The following MAK16 variants were observed in gnomAD, a reference collection of about 807,000 sequenced individuals.
MAK16 encodes the protein protein MAK16 homolog.
A neutral mutation model predicts 49.9 loss-of-function variants in MAK16; 12 were observed. The observed-to-expected ratio is 0.24, with a 90% CI of 0.15 to 0.39. The LOEUF (loss-of-function observed/expected upper bound fraction) is 0.39, where lower values mean the gene tolerates loss of function less well. Ranked by LOEUF, MAK16 falls within the 10% of genes least tolerant of loss-of-function variation. MAK16 has a pLI of 1.00. For synonymous variants in MAK16, 115 were observed against 126.4 expected, an observed-to-expected ratio of 0.91 and a Z score of 0.60; for missense variants, 292 against 363.7, an observed-to-expected ratio of 0.80 and a Z score of 1.60.
At position 33,499,645 on chromosome 8, in the gene MAK16, C is replaced by T. The variant is rs538064994; in HGVS notation, c.*1016C>T. 63 of 186,966 alleles carry T rather than the reference C, an allele frequency of 3.4e-4. No homozygotes were observed. The highest frequency in any genetic ancestry group is 3.1e-3 in the Admixed American group (55 of 17,916). The allele number at this position is 186,966 out of a possible 1,614,324, so 11.6% of individuals were successfully genotyped here. A position where few individuals can be genotyped will look rare whatever the true frequency, so the allele number is the denominator to read the frequency against. ...CTGGTAAAATAACAATTCATACTATCTCTACATATTTTTAGGATATGAATT... is the reference window on the plus strand; with the variant it reads ...CTGGTAAAATAACAATTCATACTATTTCTACATATTTTTAGGATATGAATT... On this transcript the variant is annotated 3_prime_UTR_variant, in exon 10 of 10. Transcript: ENST00000360128.
intron 6 of MAK16, among the ~76,000 whole-genome samples, chr8:33,493,464 C>G (rs1808807833): frequency 1.3e-5 from 2 of 152,164 alleles, no homozygotes; most frequent in African/African-American, 4.8e-5. Flanking sequence ...CACACTTCCA[C>G]TAATAATACA....
chr8:33,491,830 C>T (rs1255446871), intron 6 of MAK16, among the ~76,000 whole-genome samples: 2 of 150,954 alleles, frequency 1.3e-5, no homozygotes, highest in Non-Finnish European at 2.9e-5. Flanking sequence ...GACGAGGCTT[C>T]ACTATGTTGC....
chr8:33,496,604 A>G lies in MAK16; in HGVS notation c.523-21A>G, dbSNP rs778719207. Reference sequence around the variant, plus strand: ...TAATATCCAAATGTAGTTAAAGCCAATCTGTGTTTATGTTCTTCAGTATGG... The same window carrying G: ...TAATATCCAAATGTAGTTAAAGCCAGTCTGTGTTTATGTTCTTCAGTATGG... On this transcript the variant is annotated intron_variant, in intron 7 of 9. Transcript: ENST00000360128. 23 of 1,580,296 alleles carry G rather than the reference A, an allele frequency of 1.5e-5. No individual in the cohort carries two copies. In the East Asian group the frequency reaches 2.2e-4, roughly 15 times the overall value.
At chr8:33,498,317 C>T in intron 9 of MAK16, 115 bp from the exon 10 acceptor site, 1 of 641,274 alleles carries the variant, frequency 1.6e-6, no homozygotes, top group Admixed American at 3.8e-5. Flanking sequence ...AATTTCTGAA[C>T]ACAGACATAG....
chr8:33,485,366 A>G (rs911118400), intron 1 of MAK16, 145 bp downstream of exon 1: 3 of 1,081,840 alleles, frequency 2.8e-6, no homozygotes, highest in South Asian at 1.3e-5. Flanking sequence ...ATTTTCCAAC[A>G]TAGGTTCTCA....
chr8:33,485,236 G>C lies in MAK16; in HGVS notation c.15+15G>C. ...AGTCGGATGATGTGAGTCTCCTCCG[G>C]TTGTTCTTACACCCGGGGTTTGCGC... On this transcript the variant is annotated intron_variant, in intron 1 of 9. Transcript: ENST00000360128. 2 of 1,614,214 alleles carry C rather than the reference G, an allele frequency of 1.2e-6. No homozygotes were observed. Among genetic ancestry groups the C allele is most frequent in the Non-Finnish European group, 1.7e-6 (2 of 1,180,042 alleles).
At chr8:33,488,287 C>G (rs914648150) in intron 1 of MAK16, 91 bp from the exon 2 acceptor site, 2 of 1,318,864 alleles carry the variant, frequency 1.5e-6, no homozygotes, top group Non-Finnish European at 2.2e-6. Flanking sequence ...ATTTCTTCCT[C>G]TCATTCCTGT....
intron 7 of MAK16, 143 bp downstream of exon 7, chr8:33,495,759 C>A: frequency 1.7e-6 from 1 of 604,758 alleles, no homozygotes; most frequent in Non-Finnish European, 2.6e-6. Flanking sequence ...CTTTGTTGCC[C>A]AGGTTAGAGT....
intron 7 of MAK16, 24 bp downstream of exon 7, chr8:33,495,640 G>T (rs1335113246): frequency 5.3e-6 from 8 of 1,514,826 alleles, no homozygotes; most frequent in Non-Finnish European, 6.3e-6. Context: ...TAGCTTTGGG[G>T]TACTGAAATT....
chr8:33,492,222 G>C (rs752233610), intron 6 of MAK16, among the ~76,000 whole-genome samples: 132 of 151,624 alleles, frequency 8.7e-4, no homozygotes, highest in Non-Finnish European at 1.4e-3. Flanking sequence ...ATGTTGGCCA[G>C]GCTGGTCTCG....
Position 33,499,038 on chromosome 8 carries a change from A to C in MAK16, c.*409A>C, listed in dbSNP as rs1315893732. 8.6e-6 allele frequency: 6 copies of C among 693,644 alleles called. No individual in the cohort carries two copies. Among genetic ancestry groups the C allele is most frequent in the African/African-American group, 2.7e-5 (1 of 37,306 alleles). The allele number at this position is 693,644 out of a possible 1,614,324, so 43.0% of individuals were successfully genotyped here. A position where few individuals can be genotyped will look rare whatever the true frequency, so the allele number is the denominator to read the frequency against. On this transcript the variant is annotated 3_prime_UTR_variant, in exon 10 of 10. Coordinates refer to ENST00000360128, the MANE Select transcript of MAK16 (RefSeq NM_032509.4). ...CTTTCCCTATTCTTATGGAGGTAAA[A>C]GGAAAGGAAGGAAGGAAAAAGCAGC...
chr8:33,491,834 A>G (rs1045022050), intron 6 of MAK16, among the ~76,000 whole-genome samples: 7 of 150,824 alleles, frequency 4.6e-5, no homozygotes, highest in Admixed American at 3.3e-4. Flanking sequence ...AGGCTTCACT[A>G]TGTTGCCCAT....
At chr8:33,485,287 C>T in intron 1 of MAK16, 66 bp downstream of exon 1, 1 of 1,604,196 alleles carries the variant, frequency 6.2e-7, no homozygotes, top group Non-Finnish European at 8.5e-7. Flanking sequence ...TTTTCGGACA[C>T]TTAGAAAACG....
chr8:33,500,322 C>T lies in MAK16; in HGVS notation c.*1693C>T, dbSNP rs1395034799. ...CCAACTGAAACCAAGTTTCAGTCTGCCTTACCTTTACCCGTCCTTGAGAAC... is the reference window on the plus strand; with the variant it reads ...CCAACTGAAACCAAGTTTCAGTCTGTCTTACCTTTACCCGTCCTTGAGAAC... On this transcript the variant is annotated 3_prime_UTR_variant, in exon 10 of 10. Coordinates refer to ENST00000360128, the MANE Select transcript of MAK16 (RefSeq NM_032509.4). 6.2e-7 allele frequency: 1 copy of T among 1,614,002 alleles called. No homozygotes were observed. The highest frequency in any genetic ancestry group is 1.1e-5 in the South Asian group (1 of 91,076).
chr8:33,497,932 C>T (rs1473155247), intron 9 of MAK16, among the ~76,000 whole-genome samples: 1 of 151,498 alleles, frequency 6.6e-6, no homozygotes, highest in African/African-American at 2.4e-5. Context: ...CCCGTGTCTA[C>T]TAAAAATACA....
At chr8:33,485,265 G>A (rs1306352296) in intron 1 of MAK16, 44 bp downstream of exon 1, 1 of 1,614,078 alleles carries the variant, frequency 6.2e-7, no homozygotes, top group Non-Finnish European at 8.5e-7. Context: ...TTTGCGCAGG[G>A]AATTTTGCCC....
chr8:33,501,248 A>C lies in MAK16; in HGVS notation c.*2619A>C, dbSNP rs959281558. ...TACAATGTGAAATGTACAATAAATC[A>C]TATTTATGGACAGATGCGTGACTGG... On this transcript the variant is annotated 3_prime_UTR_variant, in exon 10 of 10. Coordinates refer to ENST00000360128, the MANE Select transcript of MAK16 (RefSeq NM_032509.4). The C allele has an allele frequency of 2.6e-5, 4 of 152,240 alleles. No homozygotes were observed. In the East Asian group the frequency reaches 7.7e-4, roughly 29 times the overall value. 9.4% of individuals were successfully genotyped at this position (152,240 alleles called of 1,614,324 possible). A position where few individuals can be genotyped will look rare whatever the true frequency, so the allele number is the denominator to read the frequency against.
intron 9 of MAK16, among the ~76,000 whole-genome samples, chr8:33,497,870 C>T (rs557196768): frequency 2.7e-5 from 4 of 150,496 alleles, no homozygotes; most frequent in South Asian, 2.1e-4. Flanking sequence ...CCGAGGTGGG[C>T]GGATCACATG....
rs1353831813 is a variant in MAK16 at position 33,499,352 on chromosome 8, C to T, written c.*723C>T. The T allele has an allele frequency of 1.9e-6, 2 of 1,060,870 alleles. No individual in the cohort carries two copies. The highest frequency in any genetic ancestry group is 2.9e-6 in the Non-Finnish European group (2 of 692,578). 65.7% of individuals were successfully genotyped at this position (1,060,870 alleles called of 1,614,324 possible). ...TTTCCCCTTTTGCTTGATTCTTCTTCCTTGGTATCATATTCAAAGGAGGAA... is the reference window on the plus strand; with the variant it reads ...TTTCCCCTTTTGCTTGATTCTTCTTTCTTGGTATCATATTCAAAGGAGGAA... On this transcript the variant is annotated 3_prime_UTR_variant, in exon 10 of 10. Coordinates refer to ENST00000360128, the MANE Select transcript of MAK16 (RefSeq NM_032509.4).
Sources: allele counts gnomAD v4.1 joint callset (sites outside exome capture counted in the v4.1 genomes callset), GRCh38; gene constraint gnomAD v4.1.1; transcripts MANE v1.5; gene names NCBI Gene and HGNC (gene_info 2026-07-23, HGNC 2026-07-21).